ZNF558: variants seen among roughly 807,000 people sequenced by gnomAD.
ZNF558 encodes the protein zinc finger protein 558.
Under a neutral mutation model 37.6 loss-of-function variants are expected in ZNF558, and 23 were observed. The observed-to-expected ratio is 0.61, with a 90% confidence interval of 0.44 to 0.87. The LOEUF (loss-of-function observed/expected upper bound fraction) is 0.87. ZNF558 is among the 40% of genes least tolerant of loss of function. The probability of loss-of-function intolerance (pLI) is 0.00; values close to 1 mark genes in which losing one functional copy is unlikely to be tolerated. For missense variants in ZNF558, 429 were observed against 483.7 expected (o/e 0.89, Z 1.06); for synonymous variants, 189 against 174.4 (o/e 1.08, Z -0.66).
rs2043756142 is a variant in ZNF558 at position 8,810,428 on chromosome 19, AC to A, written c.*852del. ...GTTTTCTCCCTTAGTGTGAGCTGTC[AC>A]ATGAATCCCTGCTGATAGCACTGAA... On this transcript the variant is annotated 3_prime_UTR_variant, in exon 10 of 10. Transcript: ENST00000601372. 1.3e-5 allele frequency: 2 copies of A among 152,162 alleles called. No individual in the cohort carries two copies. Among genetic ancestry groups the A allele is most frequent in the African/African-American group, 4.8e-5 (2 of 41,422 alleles). 9.4% of individuals were successfully genotyped at this position (152,162 alleles called of 1,614,324 possible).
At chr19:8,824,569 G>C (rs1226476723) in intron 3 of ZNF558, among the ~76,000 whole-genome samples, 152 bp from the exon 4 acceptor site, 1 of 152,172 alleles carries the variant, frequency 6.6e-6, no homozygotes, top group Non-Finnish European at 1.5e-5. Context: ...TCATGAGGAG[G>C]AATCTACTTT....
At chr19:8,818,131 T>C (rs1202302396) in intron 7 of ZNF558, among the ~76,000 whole-genome samples, 1 of 152,144 alleles carries the variant, frequency 6.6e-6, no homozygotes, top group Non-Finnish European at 1.5e-5. Context: ...ACAAAGTATC[T>C]TCCTTAACCA....
rs1333839646 is a variant in ZNF558, at chr19:8,810,544, CCATA to C, written c.*733_*736del. ...GTGAGAATTCGAGCTGAGAGCTTTA[CCATA>C]CAGATTGTCCTCAAAAGGTTTCTCT... On this transcript the variant is annotated 3_prime_UTR_variant, in exon 10 of 10. Transcript: ENST00000601372. The C allele has an allele frequency of 6.6e-6, 1 of 152,190 alleles. No individual in the cohort carries two copies. The highest frequency in any genetic ancestry group is 2.4e-5 in the African/African-American group (1 of 41,432). 9.4% of individuals were successfully genotyped at this position (152,190 alleles called of 1,614,324 possible).
In ZNF558 at chr19:8,807,775, T is replaced by C. The variant is rs1382531395; in HGVS notation, c.*3506A>G. 6.6e-6 allele frequency: 1 copy of C among 152,200 alleles called. No individual in the cohort carries two copies. Among genetic ancestry groups the C allele is most frequent in the Non-Finnish European group, 1.5e-5 (1 of 68,038 alleles). 9.4% of individuals were successfully genotyped at this position (152,200 alleles called of 1,614,324 possible). On this transcript the variant is annotated 3_prime_UTR_variant, in exon 10 of 10. Transcript: ENST00000601372. ...CCTATAACTCTATAATACCATATTT[T>C]CTTGATTTTTCTATAATCTGTTCCT... is the stretch of plus-strand genomic sequence containing the variant.
chr19:8,819,411 C>A (rs954074808), intron 7 of ZNF558, among the ~76,000 whole-genome samples: 3 of 152,062 alleles, frequency 2.0e-5, no homozygotes, highest in Non-Finnish European at 4.4e-5. Context: ...GAACTCCTGA[C>A]CTTAAGTGAT....
intron 7 of ZNF558, among the ~76,000 whole-genome samples, chr19:8,819,132 CA>C (rs2044016899): frequency 6.6e-6 from 1 of 152,082 alleles, no homozygotes; most frequent in South Asian, 2.1e-4. Context: ...GGTATCACAC[CA>C]AGAGCACAAG....
intron 7 of ZNF558, among the ~76,000 whole-genome samples, chr19:8,817,298 G>C (rs1044358637): frequency 6.6e-6 from 1 of 152,108 alleles, no homozygotes; most frequent in African/African-American, 2.4e-5. Flanking sequence ...ATGGTACAAA[G>C]ATCATACGCA....
chr19:8,836,783 G>A (rs1004273910), upstream of ZNF558, among the ~76,000 whole-genome samples: 3 of 152,116 alleles, frequency 2.0e-5, no homozygotes, highest in Admixed American at 6.5e-5. Flanking sequence ...TGACCCCATC[G>A]TATCCAGCTT....
intron 6 of ZNF558, 106 bp downstream of exon 6, chr19:8,821,897 G>A: frequency 6.5e-7 from 1 of 1,539,190 alleles, no homozygotes; most frequent in African/African-American, 1.4e-5. Flanking sequence ...ATCCTGGGAT[G>A]CCTGAGGACC....
rs2044381525 is a variant in ZNF558, at chr19:8,832,283, G to A, written c.-667C>T. On this transcript the variant is annotated 5_prime_UTR_variant, in exon 1 of 10. Transcript: ENST00000601372. ...AGGGACTCGCTCCCCGCTGCCCCAC[G>A]CGCGGCCCCTCCCACGGTACCGCCC... 6.6e-6 allele frequency: 1 copy of A among 152,210 alleles called. No individual in the cohort carries two copies. The highest frequency in any genetic ancestry group is 1.5e-5 in the Non-Finnish European group (1 of 68,040). The allele number at this position is 152,210 out of a possible 1,614,324, so 9.4% of individuals were successfully genotyped here.
In ZNF558 at chr19:8,824,319, GC is replaced by G; in HGVS notation, c.-304del. 6.6e-6 allele frequency: 1 copy of G among 152,332 alleles called. No individual in the cohort carries two copies. Among genetic ancestry groups the G allele is most frequent in the Non-Finnish European group, 1.5e-5 (1 of 68,076 alleles). 9.4% of individuals were successfully genotyped at this position (152,332 alleles called of 1,614,324 possible). ...GCTCTGACTCGCAGGCCATGGAGTGGCCCCCGGTACCCGTTGAGCCTTCAGA... is the reference window on the plus strand; with the variant it reads ...GCTCTGACTCGCAGGCCATGGAGTGGCCCCGGTACCCGTTGAGCCTTCAGA... On this transcript the variant is annotated 5_prime_UTR_variant, in exon 4 of 10. Transcript: ENST00000601372.
chr19:8,825,603 C>T (rs1204231034), intron 2 of ZNF558, among the ~76,000 whole-genome samples: 2 of 151,344 alleles, frequency 1.3e-5, no homozygotes, highest in East Asian at 1.9e-4. Context: ...TAGAATAAAA[C>T]GTAACTCCAT....
At chr19:8,831,431 C>A (rs1204313597) in intron 1 of ZNF558, 30 bp from the exon 2 acceptor site, 2 of 150,664 alleles carry the variant, frequency 1.3e-5, no homozygotes, top group Admixed American at 1.3e-4. Context: ...ACAAAGATTT[C>A]TTTCGAGGCT....
In ZNF558 at chr19:8,822,073, G is replaced by A. The variant is rs2044107115; in HGVS notation, c.50C>T (p.Pro17Leu). 12 of 1,613,960 alleles carry A rather than the reference G, an allele frequency of 7.4e-6. No individual in the cohort carries two copies. Among genetic ancestry groups the A allele is most frequent in the Non-Finnish European group, 1.0e-5 (12 of 1,179,968 alleles). ...TGTGTGTCCTTTTTGCTGAGAGGCT[G>A]GGAACAGGGAAGACGGAGCTGGAGG... ...PSTAAPSSLF[P>L]ASQQKGHTQG... The change falls in exon 6 of 10, where the codon CCA becomes CTA. Residue 17 changes from proline (P) to leucine (L), a missense_variant. Pro to Leu is a moderately conservative substitution (Grantham distance 98). Coordinates refer to ENST00000601372, the MANE Select transcript of ZNF558 (RefSeq NM_144693.3). The surrounding 1 kb of genome is among the most constrained non-coding windows in gnomAD (Gnocchi z 4.4).
chr19:8,831,555 T>A (rs2044356005), intron 1 of ZNF558, among the ~76,000 whole-genome samples, 154 bp from the exon 2 acceptor site: 1 of 152,254 alleles, frequency 6.6e-6, no homozygotes, highest in African/African-American at 2.4e-5. Context: ...GGGCCATGAC[T>A]GGCTTTACCT....
chr19:8,830,356 T>C (rs1356032732), intron 2 of ZNF558, among the ~76,000 whole-genome samples: 1 of 152,174 alleles, frequency 6.6e-6, no homozygotes, highest in South Asian at 2.1e-4. Flanking sequence ...AAAGGACTAA[T>C]ACAGGAGGCA....
intron 2 of ZNF558, among the ~76,000 whole-genome samples, chr19:8,826,600 G>C (rs2044237556): frequency 6.6e-6 from 1 of 152,068 alleles, no homozygotes; most frequent in African/African-American, 2.4e-5. Context: ...GAGCAATGAG[G>C]AGTGGCTGTA....
At position 8,821,190 on chromosome 19, in the gene ZNF558, C is replaced by A. The variant is rs755074479; in HGVS notation, c.237G>T (p.Leu79=). 1 of 1,613,928 alleles carries A rather than the reference C, an allele frequency of 6.2e-7. No individual in the cohort carries two copies. The change falls in exon 7 of 10, where the codon CTG becomes CTT. Residue 79 remains leucine, a synonymous_variant. Transcript: ENST00000601372. ...RDVMLENCRN[L]ASLGCRVNKP... is the part of the protein sequence containing the mutation. Reference sequence around the variant, plus strand: ...TGACATTAGGCTTACCTAGTGAGGCCAGGTTCCTGCAGTTCTCCAGCATCA... The same window carrying A: ...TGACATTAGGCTTACCTAGTGAGGCAAGGTTCCTGCAGTTCTCCAGCATCA...
upstream of ZNF558, among the ~76,000 whole-genome samples, chr19:8,834,160 G>A (rs1007205116): frequency 2.0e-5 from 3 of 152,140 alleles, no homozygotes; most frequent in East Asian, 3.8e-4. Flanking sequence ...AAAATAGTTA[G>A]ATCTCTGCTT....
Sources: allele counts gnomAD v4.1 joint callset (sites outside exome capture counted in the v4.1 genomes callset), GRCh38; gene constraint gnomAD v4.1.1; non-coding constraint Gnocchi (gnomAD v3.1); transcripts MANE v1.5; gene names NCBI Gene and HGNC (gene_info 2026-07-23, HGNC 2026-07-21).